The following SLC2A7 variants were observed in gnomAD, a reference collection of about 807,000 sequenced individuals.
SLC2A7 encodes the protein solute carrier family 2, facilitated glucose transporter member 7.
A neutral mutation model predicts 50.5 loss-of-function variants in SLC2A7; 50 were observed. The observed-to-expected ratio is 0.99, with a 90% CI of 0.79 to 1.25. SLC2A7 has a LOEUF of 1.25. SLC2A7 is among the 50% of genes most tolerant of loss of function. SLC2A7 has a pLI of 0.00. For synonymous variants in SLC2A7, 308 were observed against 300.4 expected (o/e 1.03, Z -0.26); for missense variants, 683 against 679.1 (o/e 1.01, Z -0.06).
intron 5 of SLC2A7, among the ~76,000 whole-genome samples, chr1:9,017,180 C>T (rs1435389683): frequency 3.9e-5 from 6 of 152,144 alleles, no homozygotes; most frequent in South Asian, 2.1e-4. Context: ...ATTAGCTGGG[C>T]GTGGTGGCGC....
chr1:9,022,530 G>T (rs1199315518), intron 3 of SLC2A7, among the ~76,000 whole-genome samples: 1 of 152,078 alleles, frequency 6.6e-6, no homozygotes, highest in Non-Finnish European at 1.5e-5. Context: ...AAAGACACGC[G>T]GGGAGAGGCT....
At chr1:8,994,461 C>T in the SLC2A7 span, among the ~76,000 whole-genome samples, 12 of 152,130 alleles carry the variant, frequency 7.9e-5, no homozygotes, top group Non-Finnish European at 1.6e-4. Flanking sequence ...GGCAAAGACA[C>T]GCGGGGAGAG....
chr1:9,024,963 A>C lies in SLC2A7; in HGVS notation c.150+13T>G. 9.3e-6 allele frequency: 15 copies of C among 1,613,452 alleles called. No homozygotes were observed. The highest frequency in any genetic ancestry group is 1.3e-5 in the Non-Finnish European group (15 of 1,179,628). On this transcript the variant is annotated intron_variant, in intron 2 of 11. Coordinates refer to ENST00000400906, the MANE Select transcript of SLC2A7 (RefSeq NM_207420.3). ...CTGCTGCCCGGCCCACCTTGTGCCC[A>C]CCTTGTGCCCACCTTGTGCGGCGTG...
intron 5 of SLC2A7, among the ~76,000 whole-genome samples, 157 bp from the exon 6 acceptor site, chr1:9,015,399 G>A (rs975098137): frequency 1.6e-4 from 25 of 152,186 alleles, no homozygotes; most frequent in Admixed American, 9.8e-4. Context: ...CATTCAAAAC[G>A]GAGGGAATCA....
rs745912958 is a variant in SLC2A7, at chr1:9,009,452, AGTTTT to A, written c.1116+686_1116+690del. On this transcript the variant is annotated intron_variant, in intron 9 of 11. Coordinates refer to ENST00000400906, the MANE Select transcript of SLC2A7 (RefSeq NM_207420.3). ...TTAGTCTTACTGAAAAATGATTCGT[AGTTTT>A]GTTTTGTTTTTTCTTTTTTGAGACA... Among the ~76,000 whole-genome samples the A allele has an allele frequency of 3.0e-4, 45 of 152,046 alleles. 1 individual carries two copies. The South Asian group carries it at 4.2e-3, about 14-fold the overall frequency.
At chr1:9,001,826 G>A (rs1640579302), downstream of SLC2A7, among the ~76,000 whole-genome samples, 1 of 152,112 alleles carries the variant, frequency 6.6e-6, no homozygotes, top group African/African-American at 2.4e-5. Context: ...CTGTTGTGGG[G>A]GGAAGAATGA....
chr1:9,014,783 GC>G lies in SLC2A7; in HGVS notation c.800del (p.Gly267AlafsTer57). On this transcript the variant is annotated frameshift_variant, in exon 7 of 12. Transcript: ENST00000400906. LOFTEE classifies it high-confidence loss of function. Reference protein sequence around the residue: ...RAEARAERAEGHLSVLHLCAL... With the variant: ...RAEARAERAEXHLSVLHLCAL... ...CACAGAGGTGCAGCACAGACAGGTG[GC>G]CCTCGGCGCGCTCGGCCCGGGCCTC... The G allele has an allele frequency of 6.3e-7, 1 of 1,599,428 alleles. No homozygotes were observed.
At chr1:8,996,094 CTTAT>C in the SLC2A7 span, among the ~76,000 whole-genome samples, 9,213 of 152,186 alleles carry the variant, frequency 0.061, 904 homozygotes, top group African/African-American at 0.21. Flanking sequence ...AGTTTTTTCT[CTTAT>C]TTAAACTGTA....
chr1:9,016,388 T>C (rs532684573), intron 5 of SLC2A7, among the ~76,000 whole-genome samples: 1 of 152,282 alleles, frequency 6.6e-6, no homozygotes, highest in South Asian at 2.1e-4. Flanking sequence ...GAGGATTACT[T>C]GAGCCCAGGA....
chr1:9,003,539 G>A (rs780695274), intron 11 of SLC2A7, 21 bp from the exon 12 acceptor site: 2 of 1,605,814 alleles, frequency 1.2e-6, no homozygotes, highest in Non-Finnish European at 1.7e-6. Flanking sequence ...AGACGAGAAA[G>A]ACAGGAGGGG....
At chr1:9,007,245 G>T in intron 10 of SLC2A7, 65 bp downstream of exon 10, 2 of 1,565,050 alleles carry the variant, frequency 1.3e-6, no homozygotes, top group South Asian at 1.1e-5. Context: ...GTCGAGCACT[G>T]ACTGTGTGTC....
downstream of SLC2A7, among the ~76,000 whole-genome samples, chr1:9,002,394 G>A (rs902510534): frequency 4.6e-5 from 7 of 152,356 alleles, 1 homozygote; most frequent in South Asian, 1.2e-3. Context: ...GGAGAAAACT[G>A]CCTTATGACT....
At chr1:9,017,758 C>A (rs753000093) in intron 5 of SLC2A7, among the ~76,000 whole-genome samples, 1 of 152,186 alleles carries the variant, frequency 6.6e-6, no homozygotes, top group Non-Finnish European at 1.5e-5. Flanking sequence ...CACCACGACC[C>A]CCACTCGCTC....
intron 9 of SLC2A7, 27 bp downstream of exon 9, chr1:9,010,116 C>T: frequency 6.5e-7 from 1 of 1,547,476 alleles, no homozygotes; most frequent in South Asian, 1.2e-5. Flanking sequence ...TGACTCCCCA[C>T]CCAGGGGGCA....
chr1:9,007,186 T>A (rs1249942233), intron 10 of SLC2A7, 124 bp downstream of exon 10: 5 of 1,086,344 alleles, frequency 4.6e-6, no homozygotes, highest in Non-Finnish European at 6.9e-6. Context: ...ACGTGTGGGA[T>A]CTGCGTGAGC....
rs146516507 is a variant in SLC2A7, at chr1:9,022,579, G to A, written c.311+339C>T. 8.3e-3 allele frequency among the ~76,000 whole-genome samples: 1,267 copies of A among 152,204 alleles called. 13 individuals are homozygous for A. Among genetic ancestry groups the A allele is most frequent in the African/African-American group, 0.029 (1,195 of 41,504 alleles). On this transcript the variant is annotated intron_variant, in intron 3 of 11. Coordinates refer to ENST00000400906, the MANE Select transcript of SLC2A7 (RefSeq NM_207420.3). ...CTTGGAGCCATGGTCACCTGACCCC[G>A]GAATGAAACCTGATAAACGAGCATT...
intron 1 of SLC2A7, 96 bp downstream of exon 1, chr1:9,026,199 C>T (rs1640998455): frequency 2.2e-6 from 3 of 1,353,204 alleles, no homozygotes; most frequent in Non-Finnish European, 3.1e-6. Flanking sequence ...GCTACCCGCT[C>T]CTTGCTAAAA....
At chr1:9,004,684 C>A (rs368931312) in intron 11 of SLC2A7, 68 bp downstream of exon 11, 8 of 1,576,124 alleles carry the variant, frequency 5.1e-6, no homozygotes, top group Middle Eastern at 1.7e-4. Context: ...ATGTGCTTAG[C>A]GGAAGGGGAA....
At chr1:9,006,816 G>T (rs548126159) in intron 10 of SLC2A7, among the ~76,000 whole-genome samples, 83 of 152,296 alleles carry the variant, frequency 5.4e-4, no homozygotes, top group African/African-American at 1.9e-3. Flanking sequence ...AGTCTCAGAG[G>T]CTGCCCAACA....
Sources: allele counts gnomAD v4.1 joint callset (sites outside exome capture counted in the v4.1 genomes callset), GRCh38; gene constraint gnomAD v4.1.1; transcripts MANE v1.5; gene names NCBI Gene and HGNC (gene_info 2026-07-23, HGNC 2026-07-21).